Variants in QTMAN observed in about 807,000 individuals in gnomAD.
The protein encoded by QTMAN is tRNA-queuosine alpha-mannosyltransferase.
the QTMAN span, chr2:143,944,423 T>A: frequency 8.5e-5 from 13 of 152,124 alleles, no homozygotes; most frequent in African/African-American, 1.7e-4. Flanking sequence ...GTAATTTTTT[T>A]AAAATTTATT....
chr2:143,949,703 G>A, the QTMAN span, among the ~76,000 whole-genome samples: 2 of 151,846 alleles, frequency 1.3e-5, no homozygotes, highest in Non-Finnish European at 3.0e-5. Flanking sequence ...CATAAGAAAA[G>A]TAGGTAAAAG....
chr2:144,209,453 C>G, the QTMAN span, among the ~76,000 whole-genome samples: 5 of 152,220 alleles, frequency 3.3e-5, no homozygotes, highest in African/African-American at 1.2e-4. Context: ...CACTTCCCCA[C>G]ACTTGTCAAT....
the QTMAN span, among the ~76,000 whole-genome samples, chr2:144,137,284 T>C: frequency 6.6e-6 from 1 of 152,190 alleles, no homozygotes; most frequent in African/African-American, 2.4e-5. Context: ...CCTTTTGATG[T>C]ACAAGCTGTA....
chr2:144,125,847 A>G, the QTMAN span, among the ~76,000 whole-genome samples: 1 of 152,118 alleles, frequency 6.6e-6, no homozygotes. Flanking sequence ...AGAAAGGAAT[A>G]GTAGGAAGAA....
chr2:144,158,715 T>C, the QTMAN span, among the ~76,000 whole-genome samples: 1 of 151,990 alleles, frequency 6.6e-6, no homozygotes, highest in African/African-American at 2.4e-5. Context: ...CAACATTATG[T>C]TTGAAATTGT....
chr2:144,198,277 A>G, the QTMAN span, among the ~76,000 whole-genome samples: 62 of 152,064 alleles, frequency 4.1e-4, 1 homozygote, highest in Admixed American at 3.9e-4. Flanking sequence ...TCTTGTACTC[A>G]ATTCACGTGG....
chr2:144,212,162 A>G, the QTMAN span, among the ~76,000 whole-genome samples: 1 of 152,202 alleles, frequency 6.6e-6, no homozygotes, highest in Non-Finnish European at 1.5e-5. Flanking sequence ...ATTTAAACTG[A>G]TCACGAATAC....
the QTMAN span, among the ~76,000 whole-genome samples, chr2:144,128,928 C>T: frequency 2.9e-5 from 4 of 139,926 alleles, no homozygotes; most frequent in African/African-American, 8.3e-5. Context: ...AGTTCACTCA[C>T]CCCCCACCCC....
At chr2:144,287,909 C>T in the QTMAN span, among the ~76,000 whole-genome samples, 2 of 152,062 alleles carry the variant, frequency 1.3e-5, no homozygotes, top group Non-Finnish European at 2.9e-5. Flanking sequence ...GGCTGGAGTG[C>T]AGTGGTGCGA....
At chr2:143,977,693 G>A in the QTMAN span, among the ~76,000 whole-genome samples, 4 of 152,238 alleles carry the variant, frequency 2.6e-5, 1 homozygote, top group Admixed American at 2.6e-4. Flanking sequence ...AATGGAAGAC[G>A]GAGAATTTGA....
At chr2:144,125,774 G>C in the QTMAN span, among the ~76,000 whole-genome samples, 22 of 151,974 alleles carry the variant, frequency 1.4e-4, no homozygotes, top group Non-Finnish European at 2.8e-4. Context: ...ATGCTACAAA[G>C]ATTATATGAA....
At chr2:144,010,973 T>C in the QTMAN span, among the ~76,000 whole-genome samples, 1 of 152,138 alleles carries the variant, frequency 6.6e-6, no homozygotes, top group Non-Finnish European at 1.5e-5. Context: ...ATGCTACAGC[T>C]AGGAAACCTT....
At chr2:143,938,600 G>C in the QTMAN span, 1 of 152,014 alleles carries the variant, frequency 6.6e-6, no homozygotes, top group African/African-American at 2.4e-5. Context: ...TCTTTGCTTA[G>C]TCATTTTTAC....
the QTMAN span, among the ~76,000 whole-genome samples, chr2:144,270,604 T>C: frequency 7.7e-6 from 1 of 129,086 alleles, no homozygotes; most frequent in Non-Finnish European, 1.5e-5. Context: ...AGTTGAACAA[T>C]GAAAACACAT....
At chr2:144,252,952 G>A in the QTMAN span, among the ~76,000 whole-genome samples, 35 of 152,222 alleles carry the variant, frequency 2.3e-4, no homozygotes, top group African/African-American at 4.8e-4. Flanking sequence ...AAAAAGACAC[G>A]GAGAAATGAT....
the QTMAN span, among the ~76,000 whole-genome samples, chr2:144,105,407 AAATGACCTGAT>A: frequency 6.6e-6 from 1 of 152,206 alleles, no homozygotes; most frequent in African/African-American, 2.4e-5. Context: ...AGAAGTCCTT[AAATGACCTGAT>A]GCAGCTAAAA....
the QTMAN span, among the ~76,000 whole-genome samples, chr2:144,308,535 C>A: frequency 6.6e-6 from 1 of 152,090 alleles, no homozygotes; most frequent in Non-Finnish European, 1.5e-5. Flanking sequence ...TAGAAGAGAA[C>A]AAACCTTGAT....
At chr2:144,149,149 G>A in the QTMAN span, among the ~76,000 whole-genome samples, 1 of 151,732 alleles carries the variant, frequency 6.6e-6, no homozygotes, top group Admixed American at 6.6e-5. Context: ...CTAATCCCTG[G>A]GCTACAAATG....
chr2:143,947,104 A>G, the QTMAN span: 8 of 1,613,844 alleles, frequency 5.0e-6, no homozygotes, highest in African/African-American at 1.3e-5. Context: ...TTTACCATGT[A>G]GGGCTGCCCA....
Sources: allele counts gnomAD v4.1 joint callset (sites outside exome capture counted in the v4.1 genomes callset), GRCh38; gene constraint gnomAD v4.1.1; transcripts MANE v1.5; gene names NCBI Gene and HGNC (gene_info 2026-07-23, HGNC 2026-07-21).